KIAA1549: variants seen among roughly 807,000 people sequenced by gnomAD.
KIAA1549 encodes UPF0606 protein KIAA1549.
Under a neutral mutation model 156.4 loss-of-function variants are expected in KIAA1549, and 70 were observed. The ratio of observed to expected loss-of-function variants is 0.45; its 90% CI spans 0.37 to 0.55. KIAA1549 has a LOEUF of 0.55. KIAA1549 is among the 20% of genes least tolerant of loss of function. The probability of loss-of-function intolerance (pLI) is 0.00; values close to 1 mark genes in which losing one functional copy is unlikely to be tolerated. For synonymous variants in KIAA1549, 1,103 were observed against 1,066.4 expected (o/e 1.03, Z -0.67); for missense variants, 2,428 against 2,540.9 (o/e 0.96, Z 0.96).
At chr7:138,967,117 C>T (rs1308333830) in intron 1 of KIAA1549, among the ~76,000 whole-genome samples, 2 of 152,154 alleles carry the variant, frequency 1.3e-5, no homozygotes, top group Admixed American at 1.3e-4. Context: ...TGATGTATCC[C>T]AAGGGCCCAG....
Position 138,981,121 on chromosome 7 carries a change from C to T in KIAA1549, c.149G>A (p.Trp50Ter). The T allele has an allele frequency of 8.2e-7, 1 of 1,223,160 alleles. No homozygotes were observed. The allele number at this position is 1,223,160 out of a possible 1,614,324, so 75.8% of individuals were successfully genotyped here. A position where few individuals can be genotyped will look rare whatever the true frequency, so the allele number is the denominator to read the frequency against. ...GGCCGGCCGGGCCAGCAGCAGCAGC[C>T]AGAGGCCAGGAAGCAGCAGCCCCGG... ...RRPGLLLPGL[W>*]LLLLARPASC... Residue 50 changes from tryptophan (W) to a stop codon, truncating the protein, a stop_gained, in exon 1 of 20, where the codon TGG (tryptophan) becomes TAG (stop). Coordinates refer to ENST00000422774, the MANE Select transcript of KIAA1549 (RefSeq NM_001164665.2). LOFTEE classifies it high-confidence loss of function. The surrounding 1 kb of genome is among the most constrained non-coding windows in gnomAD (Gnocchi z 4.5).
At chr7:138,971,986 G>A (rs942259012) in intron 1 of KIAA1549, among the ~76,000 whole-genome samples, 2 of 152,162 alleles carry the variant, frequency 1.3e-5, no homozygotes, top group Non-Finnish European at 2.9e-5. Flanking sequence ...GAAGGTGGAG[G>A]ATGAACTGGA....
At chr7:138,884,066 T>C (rs1376710636) in intron 10 of KIAA1549, among the ~76,000 whole-genome samples, 1 of 152,136 alleles carries the variant, frequency 6.6e-6, no homozygotes, top group Non-Finnish European at 1.5e-5. Context: ...GGCTGAAGGT[T>C]AAGTTGATCA....
At position 138,831,745 on chromosome 7, in the gene KIAA1549, C is replaced by T. The variant is rs982728997; in HGVS notation, c.*6161G>A. The T allele has an allele frequency of 1.3e-5, 3 of 231,682 alleles. No homozygotes were observed. Among genetic ancestry groups the T allele is most frequent in the African/African-American group, 2.2e-5 (1 of 45,234 alleles). 14.4% of individuals were successfully genotyped at this position (231,682 alleles called of 1,614,324 possible). A position where few individuals can be genotyped will look rare whatever the true frequency, so the allele number is the denominator to read the frequency against. On this transcript the variant is annotated 3_prime_UTR_variant, in exon 20 of 20. Transcript: ENST00000422774. ...GCAGGAAGAGCCAGAAAAACATGGA[C>T]CTTGACAAAGGAGGGAGAGACAAGT...
At chr7:138,893,150 T>A (rs990534834) in intron 10 of KIAA1549, among the ~76,000 whole-genome samples, 22 of 152,204 alleles carry the variant, frequency 1.4e-4, no homozygotes, top group Non-Finnish European at 3.2e-4. Flanking sequence ...CTATGGAAAC[T>A]GTTGAAACAT....
At position 138,963,759 on chromosome 7, in the gene KIAA1549, A is replaced by G. The variant is rs188017340; in HGVS notation, c.187+17324T>C. Among the ~76,000 whole-genome samples, 6 of 152,334 alleles carry G rather than the reference A, an allele frequency of 3.9e-5. No individual in the cohort carries two copies. The East Asian group carries it at 1.2e-3, about 29-fold the overall frequency. On this transcript the variant is annotated intron_variant, in intron 1 of 19. Transcript: ENST00000422774. ...AAAGTAAATAAGAAATTGATTTTAA[A>G]CCAGTGGTATACACTAACTTAATTA...
chr7:138,866,839 G>C (rs954044084), intron 15 of KIAA1549, among the ~76,000 whole-genome samples: 1 of 152,148 alleles, frequency 6.6e-6, no homozygotes, highest in Non-Finnish European at 1.5e-5. Flanking sequence ...GTTTTGCTCT[G>C]TCACCCAGGC....
Position 138,919,264 on chromosome 7 carries a change from G to A in KIAA1549, c.362C>T (p.Ala121Val). The change falls in exon 2 of 20, where the codon GCC (alanine) becomes GTC (valine). Residue 121 changes from alanine (A) to valine (V), a missense_variant. This residue lies in a region of KIAA1549 where 893 missense variants were observed against 847.9 expected (regional missense o/e 1.05). Coordinates refer to ENST00000422774, the MANE Select transcript of KIAA1549 (RefSeq NM_001164665.2). ...APPSATTFDTAFFNQGKQTKS... is the reference protein window; with the variant it reads ...APPSATTFDTVFFNQGKQTKS... ...GGTCTGTTTTCCTTGGTTAAAAAAGGCTGTATCAAAAGTAGTGGCAGACGG... is the reference window on the plus strand; with the variant it reads ...GGTCTGTTTTCCTTGGTTAAAAAAGACTGTATCAAAAGTAGTGGCAGACGG... The A allele has an allele frequency of 6.2e-7, 1 of 1,614,012 alleles. No individual in the cohort carries two copies. Among genetic ancestry groups the A allele is most frequent in the Non-Finnish European group, 8.5e-7 (1 of 1,179,900 alleles).
chr7:138,967,890 C>T (rs534238918), intron 1 of KIAA1549, among the ~76,000 whole-genome samples: 8 of 152,258 alleles, frequency 5.3e-5, no homozygotes, highest in African/African-American at 1.7e-4. Context: ...GCACAGATGC[C>T]CCTCCATCCC....
At chr7:138,905,226 G>A (rs759314892) in intron 6 of KIAA1549, 145 bp from the exon 7 acceptor site, 1 of 633,984 alleles carries the variant, frequency 1.6e-6, no homozygotes, top group Non-Finnish European at 2.8e-6. Context: ...GACGTGGACA[G>A]TAGCCATTTC....
chr7:138,875,626 G>A (rs930154282), intron 12 of KIAA1549, among the ~76,000 whole-genome samples: 55 of 151,096 alleles, frequency 3.6e-4, no homozygotes, highest in African/African-American at 1.2e-3. Flanking sequence ...GACTGGGTAA[G>A]CAAAAAAATA....
At chr7:138,884,571 A>G (rs1811338298) in intron 10 of KIAA1549, among the ~76,000 whole-genome samples, 1 of 152,250 alleles carries the variant, frequency 6.6e-6, no homozygotes, top group South Asian at 2.1e-4. Flanking sequence ...CATGCAAAGG[A>G]GTGTTAAGTC....
At chr7:138,968,776 C>T (rs527918598) in intron 1 of KIAA1549, among the ~76,000 whole-genome samples, 425 of 145,636 alleles carry the variant, frequency 2.9e-3, no homozygotes, top group African/African-American at 0.01. Flanking sequence ...AGGAGAATGG[C>T]GTGAACCTGG....
At chr7:138,847,128 C>T (rs527859595) in intron 17 of KIAA1549, among the ~76,000 whole-genome samples, 1 of 152,342 alleles carries the variant, frequency 6.6e-6, no homozygotes, top group East Asian at 1.9e-4. Context: ...CCCTACTTTC[C>T]CCCACCTTTT....
At chr7:138,891,301 G>T (rs926721255) in intron 10 of KIAA1549, among the ~76,000 whole-genome samples, 9 of 152,216 alleles carry the variant, frequency 5.9e-5, no homozygotes, top group Middle Eastern at 3.2e-3. Context: ...AGCAACCAAG[G>T]GCAGTCAGGA....
intron 12 of KIAA1549, among the ~76,000 whole-genome samples, chr7:138,875,367 G>T (rs1811052527): frequency 1.3e-5 from 2 of 152,144 alleles, no homozygotes; most frequent in Admixed American, 6.5e-5. Flanking sequence ...GAAAAACGCT[G>T]GGCATAGTGG....
At chr7:138,978,682 T>C (rs772791452) in intron 1 of KIAA1549, among the ~76,000 whole-genome samples, 3 of 152,118 alleles carry the variant, frequency 2.0e-5, no homozygotes, top group South Asian at 2.1e-4. Context: ...CTGCCTCACA[T>C]AGGAAGTCCA....
chr7:138,907,136 T>A (rs1812030186), intron 5 of KIAA1549, 34 bp from the exon 6 acceptor site: 1 of 1,460,118 alleles, frequency 6.8e-7, no homozygotes, highest in Non-Finnish European at 9.1e-7. Flanking sequence ...GCTTCTATAA[T>A]AAAACATTCT....
chr7:138,969,861 G>T (rs370781750), intron 1 of KIAA1549, among the ~76,000 whole-genome samples: 2 of 152,140 alleles, frequency 1.3e-5, no homozygotes, highest in Non-Finnish European at 2.9e-5. Flanking sequence ...CCAAAGGGCC[G>T]GCCACTGTGC....
Sources: allele counts gnomAD v4.1 joint callset (sites outside exome capture counted in the v4.1 genomes callset), GRCh38; gene constraint gnomAD v4.1.1; regional missense constraint gnomAD v4.1.1; non-coding constraint Gnocchi (gnomAD v3.1); transcripts MANE v1.5; gene names NCBI Gene and HGNC (gene_info 2026-07-23, HGNC 2026-07-21).